FBLN1: variants seen among roughly 807,000 people sequenced by gnomAD.
The protein encoded by FBLN1 is fibulin-1.
A neutral mutation model predicts 89.7 loss-of-function variants in FBLN1; 34 were observed. The ratio of observed to expected loss-of-function variants is 0.38; its 90% confidence interval spans 0.29 to 0.50. FBLN1 has a LOEUF of 0.50. Among genes scored for constraint, FBLN1 ranks in the 20% least tolerant of loss-of-function variants. The pLI is 0.92. For missense variants in FBLN1, 777 were observed against 988.1 expected (o/e 0.79, Z 2.86); for synonymous variants, 393 against 391.3 (o/e 1.00, Z -0.05).
chr22:45,508,952 T>C (rs1471625236), intron 1 of FBLN1, among the ~76,000 whole-genome samples: 2 of 152,112 alleles, frequency 1.3e-5, no homozygotes, highest in Non-Finnish European at 2.9e-5. Flanking sequence ...AGAAAACATA[T>C]TTGTCCCATG....
At chr22:45,585,818 A>T (rs777708023) in intron 16 of FBLN1, among the ~76,000 whole-genome samples, 1 of 152,114 alleles carries the variant, frequency 6.6e-6, no homozygotes, top group African/African-American at 2.4e-5. Flanking sequence ...TCGTGACCCC[A>T]TGGGGCAGAG....
chr22:45,509,979 C>T (rs181117829), intron 1 of FBLN1, among the ~76,000 whole-genome samples: 142 of 152,252 alleles, frequency 9.3e-4, no homozygotes, highest in African/African-American at 2.5e-3. Context: ...AAACTCCTGA[C>T]GCCCTCAGCT....
In FBLN1 at chr22:45,575,835, AC is replaced by A. The variant is rs1406731753; in HGVS notation, c.1841-1137del. 6.6e-6 allele frequency among the ~76,000 whole-genome samples: 1 copy of A among 151,720 alleles called. No individual in the cohort carries two copies. The highest frequency in any genetic ancestry group is 6.6e-5 in the Admixed American group (1 of 15,240). The stretch of plus-strand genomic sequence containing the variant: ...CTGCCCGTGTGCCCGGTCCCCAACC[AC>A]CCCCGCCCTCTAGGGAGTCCCTATC... On this transcript the variant is annotated intron_variant, in intron 15 of 16. Coordinates refer to ENST00000327858, the MANE Select transcript of FBLN1 (RefSeq NM_006486.3). This position sits in a 1 kb window ranked among gnomAD's most constrained non-coding sequence, Gnocchi z 6.3.
At chr22:45,523,457 C>T (rs2088278179) in intron 2 of FBLN1, among the ~76,000 whole-genome samples, 1 of 152,220 alleles carries the variant, frequency 6.6e-6, no homozygotes, top group Non-Finnish European at 1.5e-5. Context: ...AATCCCACCA[C>T]TTCGGGAGGC....
In FBLN1 at chr22:45,600,380, C is replaced by T. The variant is rs751954214; in HGVS notation, c.2046C>T (p.Val682=). ...TGAAGCTGGAGATGAACTATGTGGT[C>T]GGGGGCGTGGTCTCCCACCGAAATG... ...AVLKLEMNYV[V]GGVVSHRNVV... The change falls in exon 17 of 17, where the codon GTC becomes GTT. Residue 682 remains valine, a synonymous_variant. Transcript: ENST00000327858. 1.4e-5 allele frequency: 23 copies of T among 1,613,984 alleles called. No homozygotes were observed. Among genetic ancestry groups the T allele is most frequent in the East Asian group, 1.1e-4 (5 of 44,890 alleles).
At chr22:45,517,809 A>C (rs1036524758) in intron 1 of FBLN1, 2 of 364,424 alleles carry the variant, frequency 5.5e-6, no homozygotes, top group African/African-American at 4.3e-5. Flanking sequence ...GAAAACACGG[A>C]TGTGGGTCAC....
chr22:45,503,346 GC>G (rs1005591004), intron 1 of FBLN1: 82 of 223,534 alleles, frequency 3.7e-4, no homozygotes, highest in African/African-American at 1.9e-3. Flanking sequence ...GGCTCCGGGG[GC>G]CGCATCCCGG....
At chr22:45,513,455 C>G (rs1265862656) in intron 1 of FBLN1, among the ~76,000 whole-genome samples, 2 of 152,040 alleles carry the variant, frequency 1.3e-5, no homozygotes, top group African/African-American at 4.8e-5. Flanking sequence ...TGCAAGCTCA[C>G]CCCACCAAAC....
intron 14 of FBLN1, among the ~76,000 whole-genome samples, chr22:45,555,218 T>C (rs2088769748): frequency 6.6e-6 from 1 of 150,860 alleles, no homozygotes; most frequent in African/African-American, 2.4e-5. Flanking sequence ...GTATTAGGGT[T>C]CTCTAGAGGG....
Position 45,574,689 on chromosome 22 carries a change from T to C in FBLN1, c.1840+36T>C. 6.3e-7 allele frequency: 1 copy of C among 1,599,732 alleles called. No homozygotes were observed. The highest frequency in any genetic ancestry group is 1.1e-5 in the South Asian group (1 of 89,716). On this transcript the variant is annotated intron_variant, in intron 15 of 16. Transcript: ENST00000327858. This position sits in a 1 kb window ranked among gnomAD's most constrained non-coding sequence, Gnocchi z 4.1. ...TGGGTGTGGGGGTCCCAGGGCCCCC[T>C]AGGGCCTCCCTCGGCTTCAGCTGAG...
At position 45,556,997 on chromosome 22, in the gene FBLN1, C is replaced by T. The variant is rs1268873784; in HGVS notation, c.1697+6382C>T. Among the ~76,000 whole-genome samples the T allele has an allele frequency of 2.0e-5, 3 of 152,138 alleles. No homozygotes were observed. The East Asian group carries it at 5.8e-4, about 29-fold the overall frequency. ...ATATTGGACCCTGATTCAGAGCATA[C>T]ATGGCCTTCTGTAGAACTTTGTCCC... On this transcript the variant is annotated intron_variant, in intron 14 of 16. Coordinates refer to ENST00000327858, the MANE Select transcript of FBLN1 (RefSeq NM_006486.3). The surrounding 1 kb of genome is among the most constrained non-coding windows in gnomAD (Gnocchi z 4.6).
intron 14 of FBLN1, chr22:45,558,262 A>C (rs1051570892): frequency 5.9e-6 from 3 of 512,280 alleles, no homozygotes; most frequent in African/African-American, 1.9e-5. Context: ...TTCATGACCA[A>C]CTTTATGGCT....
chr22:45,533,741 A>T lies in FBLN1; in HGVS notation c.647-20A>T. On this transcript the variant is annotated intron_variant, in intron 6 of 16. Transcript: ENST00000327858. ...GGTCGTTCTTGCTGGTCACCCCCGC[A>T]CTGCCTCGGTCTCTCCTAGATGTCA... 1.1e-5 allele frequency: 17 copies of T among 1,608,892 alleles called. No homozygotes were observed. Among genetic ancestry groups the T allele is most frequent in the Non-Finnish European group, 1.3e-5 (15 of 1,179,888 alleles).
chr22:45,530,171 T>C lies in FBLN1; in HGVS notation c.485-1094T>C, dbSNP rs564909521. ...ATCAAGAGGGATTGGGGCCGCATTC[T>C]GCCTCATTCCTTGGCTTTTGAAATC... On this transcript the variant is annotated intron_variant, in intron 4 of 16. Coordinates refer to ENST00000327858, the MANE Select transcript of FBLN1 (RefSeq NM_006486.3). The surrounding 1 kb of genome is among the most constrained non-coding windows in gnomAD (Gnocchi z 5.4). Among the ~76,000 whole-genome samples, 77 of 152,270 alleles carry C rather than the reference T, an allele frequency of 5.1e-4. No homozygotes were observed. Among genetic ancestry groups the C allele is most frequent in the African/African-American group, 1.8e-3 (75 of 41,566 alleles).
At chr22:45,523,868 C>T (rs1159771876) in intron 2 of FBLN1, among the ~76,000 whole-genome samples, 1 of 152,144 alleles carries the variant, frequency 6.6e-6, no homozygotes, top group Non-Finnish European at 1.5e-5. Context: ...AACTGTGCTC[C>T]ACGGCAGCTG....
rs1217516007 is a variant in FBLN1, at chr22:45,556,175, A to C, written c.1697+5560A>C. Among the ~76,000 whole-genome samples, 2 of 152,014 alleles carry C rather than the reference A, an allele frequency of 1.3e-5. No individual in the cohort carries two copies. Among genetic ancestry groups the C allele is most frequent in the African/African-American group, 4.8e-5 (2 of 41,382 alleles). On this transcript the variant is annotated intron_variant, in intron 14 of 16. Transcript: ENST00000327858. This position sits in a 1 kb window ranked among gnomAD's most constrained non-coding sequence, Gnocchi z 4.6. ...CATACCCAGCTAATTTTTCTATTTTAAGTAGAGATGGGGTTTCACCATGTG... is the reference window on the plus strand; with the variant it reads ...CATACCCAGCTAATTTTTCTATTTTCAGTAGAGATGGGGTTTCACCATGTG...
At chr22:45,535,499 G>A in intron 8 of FBLN1, 162 bp downstream of exon 8, 1 of 779,840 alleles carries the variant, frequency 1.3e-6, no homozygotes, top group Non-Finnish European at 2.1e-6. Context: ...AAATACTTTA[G>A]CCGTTGTGGG....
At chr22:45,527,539 C>T (rs1171208798) in intron 3 of FBLN1, among the ~76,000 whole-genome samples, 2 of 150,348 alleles carry the variant, frequency 1.3e-5, no homozygotes, top group Non-Finnish European at 3.0e-5. Context: ...CGAGCAGAGC[C>T]GGGTGGTCTC....
chr22:45,517,814 G>T, intron 1 of FBLN1: 1 of 361,688 alleles, frequency 2.8e-6, no homozygotes. Flanking sequence ...CACGGATGTG[G>T]GTCACAGAAG....
Sources: allele counts gnomAD v4.1 joint callset (sites outside exome capture counted in the v4.1 genomes callset), GRCh38; gene constraint gnomAD v4.1.1; non-coding constraint Gnocchi (gnomAD v3.1); transcripts MANE v1.5; gene names NCBI Gene and HGNC (gene_info 2026-07-23, HGNC 2026-07-21).